The following RIPOR2 variants were observed in gnomAD, a reference collection of about 807,000 sequenced individuals.
The protein encoded by RIPOR2 is RHO family interacting cell polarization regulator 2, also known as rho family-interacting cell polarization regulator 2.
Under a neutral mutation model 114.5 loss-of-function variants are expected in RIPOR2, and 39 were observed. That is an observed-to-expected ratio of 0.34 (90% CI 0.26 to 0.44). The LOEUF is 0.44. RIPOR2 is among the 20% of genes least tolerant of loss of function. RIPOR2 has a pLI of 1.00. For synonymous variants in RIPOR2, 445 were observed against 484.4 expected, an observed-to-expected ratio of 0.92 and a Z score of 1.07; for missense variants, 1,007 against 1,255.1, an observed-to-expected ratio of 0.80 and a Z score of 2.99.
intron 1 of RIPOR2, among the ~76,000 whole-genome samples, chr6:24,951,339 G>A (rs1271773466): frequency 1.3e-5 from 2 of 152,116 alleles, no homozygotes; most frequent in Admixed American, 6.6e-5. Flanking sequence ...GTAAGAGAGG[G>A]GCAAATAGAC....
intron 11 of RIPOR2, among the ~76,000 whole-genome samples, chr6:24,849,492 C>T (rs572397677): frequency 2.0e-5 from 3 of 152,026 alleles, no homozygotes; most frequent in East Asian, 3.9e-4. Context: ...GACATATGCC[C>T]TTATATATTT....
chr6:24,965,111 G>T (rs1036937341), intron 1 of RIPOR2, among the ~76,000 whole-genome samples: 4 of 150,116 alleles, frequency 2.7e-5, no homozygotes, highest in Non-Finnish European at 4.4e-5. Flanking sequence ...CCATTTCTTT[G>T]TCTCTCTGAG....
intron 21 of RIPOR2, among the ~76,000 whole-genome samples, chr6:24,806,810 G>A (rs1780799812): frequency 6.6e-6 from 1 of 152,100 alleles, no homozygotes; most frequent in Non-Finnish European, 1.5e-5. Context: ...GTACATTAGG[G>A]ATTTCAATAT....
At chr6:24,873,920 C>T (rs1765459886) in intron 2 of RIPOR2, 121 bp from the exon 3 acceptor site, 1 of 848,402 alleles carries the variant, frequency 1.2e-6, no homozygotes, top group Non-Finnish European at 1.8e-6. Flanking sequence ...GTCATCCAGG[C>T]TGGAGTATGG....
intron 1 of RIPOR2, among the ~76,000 whole-genome samples, chr6:24,884,883 G>A (rs937669140): frequency 6.6e-6 from 1 of 152,108 alleles, no homozygotes; most frequent in Non-Finnish European, 1.5e-5. Flanking sequence ...AAGTGCTTGA[G>A]AAACCACAGA....
intron 20 of RIPOR2, among the ~76,000 whole-genome samples, chr6:24,810,492 GT>G (rs1403177012): frequency 1.3e-5 from 2 of 152,084 alleles, no homozygotes; most frequent in African/African-American, 4.8e-5. Flanking sequence ...TCTTCTATTT[GT>G]TTGTTCCACA....
chr6:24,935,787 A>G, intron 1 of RIPOR2, 51 bp downstream of exon 1: 2 of 1,382,392 alleles, frequency 1.4e-6, no homozygotes, highest in Non-Finnish European at 2.0e-6. Flanking sequence ...CAGTGGTGTC[A>G]AAACAAAGCA....
At chr6:25,034,592 G>A (rs1031620163) in intron 1 of RIPOR2, among the ~76,000 whole-genome samples, 2 of 152,080 alleles carry the variant, frequency 1.3e-5, no homozygotes, top group Non-Finnish European at 2.9e-5. Flanking sequence ...ATTAACTTTT[G>A]GGCTCTTTAG....
In RIPOR2 at chr6:24,865,285, G is replaced by C; in HGVS notation, c.651+16C>G. Reference sequence around the variant, plus strand: ...CAGATGGGATTCGGCAACTTAAGCAGGTTAGGGAGTTATACCTCTGTGTAC... The same window carrying C: ...CAGATGGGATTCGGCAACTTAAGCACGTTAGGGAGTTATACCTCTGTGTAC... On this transcript the variant is annotated intron_variant, in intron 7 of 21. Coordinates refer to ENST00000643898, the MANE Select transcript of RIPOR2 (RefSeq NM_001286445.3). 6.3e-7 allele frequency: 1 copy of C among 1,599,648 alleles called. No individual in the cohort carries two copies. The highest frequency in any genetic ancestry group is 1.1e-5 in the South Asian group (1 of 88,846).
chr6:24,873,631 T>C lies in RIPOR2; in HGVS notation c.344+13A>G. The C allele has an allele frequency of 6.2e-7, 1 of 1,610,938 alleles. No homozygotes were observed. The highest frequency in any genetic ancestry group is 1.7e-5 in the Admixed American group (1 of 59,242). ...TCTTTCCTTAAAGTACATTATCAGG[T>C]TCAAGTTCTTACTCAAGTCCATTTT... On this transcript the variant is annotated intron_variant, in intron 3 of 21. Coordinates refer to ENST00000643898, the MANE Select transcript of RIPOR2 (RefSeq NM_001286445.3).
rs1561782438 is a variant in RIPOR2 at position 24,927,143 on chromosome 6, C to CTACAAT, written c.61+8694_61+8695insATTGTA. On this transcript the variant is annotated intron_variant, in intron 1 of 21. Transcript: ENST00000643898. ...TATAATCATCATCTCACTACCACCA[C>CTACAAT]CACCACCACCACCACCACAACTACA... Among the ~76,000 whole-genome samples, 48 of 22,888 alleles carry CTACAAT rather than the reference C, an allele frequency of 2.1e-3. 8 individuals are homozygous for CTACAAT. The highest frequency in any genetic ancestry group is 5.0e-3 in the East Asian group (2 of 404). 15.0% of individuals were successfully genotyped at this position (22,888 alleles called of 152,430 possible).
At chr6:25,014,866 C>G (rs577272147) in intron 1 of RIPOR2, 2 of 152,030 alleles carry the variant, frequency 1.3e-5, no homozygotes, top group Non-Finnish European at 2.9e-5. Context: ...GAGAAGGGCC[C>G]GAGGGATCAT....
At chr6:24,865,086 T>A (rs1764448404) in intron 7 of RIPOR2, among the ~76,000 whole-genome samples, 1 of 152,186 alleles carries the variant, frequency 6.6e-6, no homozygotes, top group African/African-American at 2.4e-5. Context: ...TAACTAGGAC[T>A]ACAGGCACAT....
rs116778166 is a variant in RIPOR2, at chr6:24,978,234, G to A, written c.76+63617C>T. On this transcript the variant is annotated intron_variant, in intron 1 of 13. Coordinates refer to the RIPOR2 transcript ENST00000510784. ...GTTGCAGAAATATTTTTGTTAAGCT[G>A]AAGGTCGCCACTGGCACGGTTTTAG... Among the ~76,000 whole-genome samples, 557 of 152,132 alleles carry A rather than the reference G, an allele frequency of 3.7e-3. 3 individuals are homozygous for A. Among genetic ancestry groups the A allele is most frequent in the African/African-American group, 0.012 (515 of 41,518 alleles).
chr6:24,876,854 G>T, intron 1 of RIPOR2: 1 of 495,884 alleles, frequency 2.0e-6, no homozygotes, highest in Non-Finnish European at 2.6e-6. Flanking sequence ...CACAACTTCA[G>T]CTGAGCAGAA....
intron 1 of RIPOR2, among the ~76,000 whole-genome samples, chr6:24,969,163 C>T (rs572932329): frequency 1.6e-4 from 25 of 152,274 alleles, no homozygotes; most frequent in Non-Finnish European, 3.1e-4. Flanking sequence ...CCCAGTAGTC[C>T]TGGGAGGAGG....
intron 1 of RIPOR2, among the ~76,000 whole-genome samples, chr6:24,909,996 T>C: frequency 6.6e-6 from 1 of 152,094 alleles, no homozygotes; most frequent in Admixed American, 6.5e-5. Context: ...GCTTATCTAA[T>C]TTCAAAATGC....
rs74540446 is a variant in RIPOR2, at chr6:25,022,436, T to A, written c.76+19415A>T. 4.8e-3 allele frequency among the ~76,000 whole-genome samples: 736 copies of A among 152,118 alleles called. 4 individuals are homozygous for A. The highest frequency in any genetic ancestry group is 0.017 in the African/African-American group (695 of 41,492). ...TTTATTGCTGAGTCATATCTCATTG[T>A]ATGGATATACCTACAGTTTGCTTAA... On this transcript the variant is annotated intron_variant, in intron 1 of 13. Coordinates refer to the RIPOR2 transcript ENST00000510784.
At chr6:24,874,768 G>A (rs934075484) in intron 2 of RIPOR2, among the ~76,000 whole-genome samples, 19 of 152,160 alleles carry the variant, frequency 1.2e-4, no homozygotes, top group African/African-American at 4.1e-4. Context: ...AATTCTTTTC[G>A]ATAAGGGACC....
Sources: allele counts gnomAD v4.1 joint callset (sites outside exome capture counted in the v4.1 genomes callset), GRCh38; gene constraint gnomAD v4.1.1; transcripts MANE v1.5; gene names NCBI Gene and HGNC (gene_info 2026-07-23, HGNC 2026-07-21).